DIAPH1: variants seen among roughly 807,000 people sequenced by gnomAD.
The protein encoded by DIAPH1 is diaphanous related formin 1, also known as protein diaphanous homolog 1.
DIAPH1 carries 46 observed loss-of-function variants against 140.7 expected under a neutral mutation model. That is an observed-to-expected ratio of 0.33 (90% confidence interval 0.26 to 0.42). The LOEUF (loss-of-function observed/expected upper bound fraction) is 0.42. Ranked by LOEUF, DIAPH1 falls within the 10% of genes least tolerant of loss-of-function variation. The pLI is 1.00. For missense variants in DIAPH1, 1,310 were observed against 1,558.7 expected (o/e 0.84, Z 2.69); for synonymous variants, 565 against 551.6 (o/e 1.02, Z -0.34).
chr5:141,570,732 G>A (rs2099895060), intron 18 of DIAPH1, among the ~76,000 whole-genome samples: 1 of 151,926 alleles, frequency 6.6e-6, no homozygotes, highest in South Asian at 2.1e-4. Context: ...AAAAATGCTG[G>A]AAGAAGATAA....
In DIAPH1 at chr5:141,540,559, C is replaced by T. The variant is rs1046981810; in HGVS notation, c.2483-6126G>A. ...CCTCCCAAAGTGCTGGGATTACAGGCGTGAGCCACCACACCCAGCCTAAGT... is the reference window on the plus strand; with the variant it reads ...CCTCCCAAAGTGCTGGGATTACAGGTGTGAGCCACCACACCCAGCCTAAGT... On this transcript the variant is annotated intron_variant, in intron 18 of 27. Coordinates refer to ENST00000389054, the MANE Select transcript of DIAPH1 (RefSeq NM_005219.5). Among the ~76,000 whole-genome samples the T allele has an allele frequency of 4.6e-5, 7 of 151,350 alleles. No homozygotes were observed. In the East Asian group the frequency reaches 1.0e-3, roughly 22 times the overall value.
chr5:141,594,570 C>A (rs1470915163), intron 1 of DIAPH1, among the ~76,000 whole-genome samples: 1 of 152,110 alleles, frequency 6.6e-6, no homozygotes, highest in Admixed American at 6.5e-5. Flanking sequence ...GGTGAAAACA[C>A]CGCCTCTACT....
chr5:141,524,103 C>G, intron 27 of DIAPH1, 40 bp downstream of exon 27: 2 of 1,572,378 alleles, frequency 1.3e-6, no homozygotes, highest in East Asian at 4.5e-5. Flanking sequence ...GAGCCCTCAC[C>G]CCCTTCGACA....
intron 8 of DIAPH1, 113 bp from the exon 9 acceptor site, chr5:141,579,309 G>T: frequency 1.2e-6 from 1 of 847,018 alleles, no homozygotes. Context: ...CATTATCAGT[G>T]TTCCGGATTT....
chr5:141,571,417 T>C lies in DIAPH1; in HGVS notation c.2482+11A>G. 1 of 1,606,510 alleles carries C rather than the reference T, an allele frequency of 6.2e-7. No homozygotes were observed. The highest frequency in any genetic ancestry group is 1.1e-5 in the South Asian group (1 of 90,088). ...AAGAGACCAAACTAAAAGGCTCTTT[T>C]GTATTCTTACCTTTGGAAGCTTCAG... is the stretch of plus-strand genomic sequence containing the variant. On this transcript the variant is annotated intron_variant, in intron 18 of 27. Transcript: ENST00000389054.
chr5:141,580,192 T>C (rs940241694), intron 8 of DIAPH1, among the ~76,000 whole-genome samples: 7 of 152,214 alleles, frequency 4.6e-5, no homozygotes, highest in African/African-American at 9.6e-5. Context: ...CTATCCTATA[T>C]ATGCAGTTAG....
chr5:141,527,607 G>A lies in DIAPH1; in HGVS notation c.3239C>T (p.Thr1080Ile). 6.2e-7 allele frequency: 1 copy of A among 1,606,898 alleles called. No individual in the cohort carries two copies. Among genetic ancestry groups the A allele is most frequent in the Non-Finnish European group, 8.5e-7 (1 of 1,177,336 alleles). The change falls in exon 24 of 28, where the codon ACA (threonine) becomes ATA (isoleucine). Residue 1080 changes from threonine (T) to isoleucine (I), a missense_variant. This residue lies in a region of DIAPH1 where 344 missense variants were observed against 512.2 expected (regional missense o/e 0.67). Transcript: ENST00000389054. ...TTCAACAAACTTGTCTTTTTCATCT[G>A]TGGCAGCTGGGAAATTCTGAACATC... ...ERDVQNFPAA[T>I]DEKDKFVEKM... is the part of the protein sequence containing the mutation.
intron 18 of DIAPH1, chr5:141,558,165 T>C (rs962564960): frequency 6.6e-5 from 10 of 152,160 alleles, no homozygotes; most frequent in African/African-American, 2.4e-4. Context: ...ATTCAACTAA[T>C]AGAAACTGAG....
chr5:141,530,469 T>C (rs1399235826), intron 19 of DIAPH1, among the ~76,000 whole-genome samples: 1 of 152,178 alleles, frequency 6.6e-6, no homozygotes, highest in Non-Finnish European at 1.5e-5. Context: ...ATTTCTCTAC[T>C]CTGACACCTA....
At chr5:141,617,559 T>C (rs753848242) in intron 1 of DIAPH1, among the ~76,000 whole-genome samples, 10 of 152,168 alleles carry the variant, frequency 6.6e-5, no homozygotes, top group Non-Finnish European at 7.4e-5. Context: ...GTCAAAATGT[T>C]GGGAGGTGGG....
At chr5:141,580,396 T>G (rs1427061259) in intron 8 of DIAPH1, among the ~76,000 whole-genome samples, 1 of 152,172 alleles carries the variant, frequency 6.6e-6, no homozygotes, top group Non-Finnish European at 1.5e-5. Flanking sequence ...AATTTTACTT[T>G]ATATACTTCT....
At chr5:141,568,113 T>C (rs1397010815) in intron 18 of DIAPH1, among the ~76,000 whole-genome samples, 3 of 152,178 alleles carry the variant, frequency 2.0e-5, no homozygotes, top group South Asian at 4.1e-4. Flanking sequence ...ATTTAAGACA[T>C]GAGTTATCAC....
At chr5:141,610,860 A>G (rs1469420592) in intron 1 of DIAPH1, among the ~76,000 whole-genome samples, 1 of 151,610 alleles carries the variant, frequency 6.6e-6, no homozygotes, top group Non-Finnish European at 1.5e-5. Context: ...GGATCACTTG[A>G]GCCCAAGAGT....
intron 26 of DIAPH1, 116 bp downstream of exon 26, chr5:141,525,922 C>A: frequency 6.5e-7 from 1 of 1,545,854 alleles, no homozygotes; most frequent in Non-Finnish European, 8.9e-7. Flanking sequence ...GTGAAGACTG[C>A]CAAAAATCAT....
Position 141,529,684 on chromosome 5 carries a change from A to G in DIAPH1, c.2595T>C (p.Gly865=). ...TCTCTTGATAGGGCATGCGGAAGGA[A>G]CCCAAAAAGATTGCTGCCAGAAAAT... ...KTAQNLSIFL[G]SFRMPYQEIK... The change falls in exon 20 of 28, where the codon GGT becomes GGC. Residue 865 remains glycine, a synonymous_variant. Coordinates refer to ENST00000389054, the MANE Select transcript of DIAPH1 (RefSeq NM_005219.5). The G allele has an allele frequency of 1.2e-6, 2 of 1,614,062 alleles. No individual in the cohort carries two copies. The highest frequency in any genetic ancestry group is 8.5e-7 in the Non-Finnish European group (1 of 1,179,952).
At chr5:141,549,709 A>G (rs1189499565) in intron 18 of DIAPH1, among the ~76,000 whole-genome samples, 1 of 152,206 alleles carries the variant, frequency 6.6e-6, no homozygotes, top group Non-Finnish European at 1.5e-5. Context: ...TAACCAAAAA[A>G]TACCCAATTA....
At chr5:141,617,599 G>A (rs538839548) in intron 1 of DIAPH1, among the ~76,000 whole-genome samples, 1 of 152,154 alleles carries the variant, frequency 6.6e-6, no homozygotes, top group Admixed American at 6.5e-5. Flanking sequence ...TTGTTTAGTA[G>A]AAAGATACAC....
intron 1 of DIAPH1, among the ~76,000 whole-genome samples, chr5:141,606,472 G>C (rs1429242231): frequency 3.9e-5 from 6 of 152,106 alleles, no homozygotes; most frequent in Non-Finnish European, 7.3e-5. Context: ...TCGACTCACA[G>C]CAACCTCCAC....
chr5:141,601,905 G>T (rs1018837108), intron 1 of DIAPH1, among the ~76,000 whole-genome samples: 2 of 152,108 alleles, frequency 1.3e-5, no homozygotes, highest in African/African-American at 4.8e-5. Flanking sequence ...TGAGACCAAG[G>T]AACCTTGACT....
Sources: gnomAD v4.1 joint callset for allele counts (sites outside exome capture counted in the v4.1 genomes callset) on GRCh38, gnomAD v4.1.1 for gene constraint, gnomAD v4.1.1 regional missense constraint, MANE v1.5 for transcripts, NCBI Gene and HGNC (gene_info 2026-07-23, HGNC 2026-07-21) for gene names.